The following PDE1C variants were observed in gnomAD, a reference collection of about 807,000 sequenced individuals.
PDE1C encodes dual specificity calcium/calmodulin-dependent 3',5'-cyclic nucleotide phosphodiesterase 1C.
A neutral mutation model predicts 93.1 loss-of-function variants in PDE1C; 62 were observed. The ratio of observed to expected loss-of-function variants is 0.67; its 90% CI spans 0.54 to 0.82. PDE1C has a LOEUF of 0.82. PDE1C is among the 40% of genes least tolerant of loss of function. PDE1C has a pLI of 0.00. For missense variants in PDE1C, 742 were observed against 884.6 expected (o/e 0.84, Z 2.04); for synonymous variants, 325 against 310.1 (o/e 1.05, Z -0.50).
chr7:32,283,021 A>G (rs1188049052), intron 1 of PDE1C, among the ~76,000 whole-genome samples: 1 of 152,218 alleles, frequency 6.6e-6, no homozygotes, highest in Non-Finnish European at 1.5e-5. Flanking sequence ...TTTAGAATGT[A>G]CATTTCAAAT....
chr7:31,712,096 C>G, the PDE1C span, among the ~76,000 whole-genome samples: 1 of 152,238 alleles, frequency 6.6e-6, no homozygotes, highest in African/African-American at 2.4e-5. Flanking sequence ...CCATGCTAAT[C>G]TTTTTCTCCA....
chr7:31,641,133 T>C, the PDE1C span, among the ~76,000 whole-genome samples: 2 of 152,142 alleles, frequency 1.3e-5, no homozygotes, highest in African/African-American at 4.8e-5. Context: ...ATGATGCTGC[T>C]CTTGTGAGTG....
In PDE1C at chr7:32,205,834, C is replaced by T. The variant is rs554201429; in HGVS notation, c.136+3655G>A. On this transcript the variant is annotated intron_variant, in intron 2 of 18. Coordinates refer to the PDE1C transcript ENST00000396193. ...CTGTAACAGTCATTGCCAAGGTCTG[C>T]AGCTTCACCCCTGGAGTCATTAAGA... 5.5e-4 allele frequency among the ~76,000 whole-genome samples: 84 copies of T among 152,252 alleles called. 3 individuals are homozygous for T. The South Asian group carries it at 9.6e-3, about 17-fold the overall frequency.
intron 2 of PDE1C, among the ~76,000 whole-genome samples, chr7:32,178,652 TCTC>T (rs1004385105): frequency 3.3e-5 from 5 of 152,090 alleles, no homozygotes; most frequent in African/African-American, 1.2e-4. Context: ...CTCATCAGCT[TCTC>T]CTCACTCCCC....
At chr7:32,306,805 A>G (rs535625637) in intron 1 of PDE1C, among the ~76,000 whole-genome samples, 3 of 152,290 alleles carry the variant, frequency 2.0e-5, no homozygotes, top group East Asian at 3.9e-4. Context: ...GAAGCATAAA[A>G]CACATACAAG....
chr7:32,107,298 G>C (rs532367088), intron 3 of PDE1C, among the ~76,000 whole-genome samples: 1 of 147,768 alleles, frequency 6.8e-6, no homozygotes, highest in South Asian at 2.2e-4. Context: ...GGGAGGGAGG[G>C]AGGAAAGGAA....
chr7:31,676,959 C>A, the PDE1C span, among the ~76,000 whole-genome samples: 1 of 152,192 alleles, frequency 6.6e-6, no homozygotes, highest in East Asian at 1.9e-4. Context: ...CATCCAGTAA[C>A]CACACTCTGC....
the PDE1C span, among the ~76,000 whole-genome samples, chr7:31,745,195 GAGA>G: frequency 7.0e-3 from 1,072 of 152,266 alleles, 9 homozygotes; most frequent in African/African-American, 0.024. Context: ...GCTCTGTGTC[GAGA>G]AGGTTTCTGA....
At chr7:31,705,773 T>A in the PDE1C span, among the ~76,000 whole-genome samples, 6 of 151,944 alleles carry the variant, frequency 3.9e-5, no homozygotes, top group African/African-American at 1.5e-4. Context: ...AAGGAGGCAG[T>A]GCGAGGCAGT....
intron 1 of PDE1C, among the ~76,000 whole-genome samples, chr7:32,214,137 G>A (rs1806251758): frequency 6.6e-6 from 1 of 151,670 alleles, no homozygotes; most frequent in Non-Finnish European, 1.5e-5. Flanking sequence ...TACATACACA[G>A]GTATAAATGT....
intron 1 of PDE1C, among the ~76,000 whole-genome samples, chr7:32,348,901 C>A (rs1450354147): frequency 6.6e-6 from 1 of 151,828 alleles, no homozygotes; most frequent in African/African-American, 2.4e-5. Context: ...AATAAGCAAC[C>A]AAGAACTGGT....
chr7:31,680,959 A>C, the PDE1C span, among the ~76,000 whole-genome samples: 1 of 152,194 alleles, frequency 6.6e-6, no homozygotes, highest in Non-Finnish European at 1.5e-5. Flanking sequence ...TGAGTGGTAC[A>C]TCCTCAGAGA....
the PDE1C span, among the ~76,000 whole-genome samples, chr7:31,654,801 C>T: frequency 6.6e-6 from 1 of 152,146 alleles, no homozygotes; most frequent in Non-Finnish European, 1.5e-5. Flanking sequence ...AAGGAGAGGT[C>T]ACTTCTTAGC....
intron 2 of PDE1C, among the ~76,000 whole-genome samples, chr7:31,942,449 T>C (rs1263708949): frequency 6.6e-6 from 1 of 152,096 alleles, no homozygotes; most frequent in African/African-American, 2.4e-5. Flanking sequence ...CCTGGCAGGA[T>C]GTTGTTGAAG....
chr7:32,320,928 G>A (rs1783279205), intron 1 of PDE1C, among the ~76,000 whole-genome samples: 1 of 152,160 alleles, frequency 6.6e-6, no homozygotes, highest in Non-Finnish European at 1.5e-5. Flanking sequence ...GAGGAGTAAA[G>A]TGAGACTCAA....
the PDE1C span, among the ~76,000 whole-genome samples, chr7:31,741,055 C>T: frequency 1.6e-5 from 1 of 60,676 alleles, no homozygotes; most frequent in Non-Finnish European, 4.0e-5. Context: ...GACAAAGACC[C>T]TGTCTCAAAA....
chr7:32,092,308 C>T (rs1381034266), intron 3 of PDE1C, among the ~76,000 whole-genome samples: 1 of 152,082 alleles, frequency 6.6e-6, no homozygotes, highest in Admixed American at 6.6e-5. Context: ...CCCTTCATGT[C>T]GGAGGCTGCA....
At chr7:32,239,454 A>G (rs1244526566) in intron 1 of PDE1C, among the ~76,000 whole-genome samples, 1 of 152,236 alleles carries the variant, frequency 6.6e-6, no homozygotes, top group Non-Finnish European at 1.5e-5. Flanking sequence ...GAATATATTT[A>G]TAACCAACAA....
rs32305 is a variant in PDE1C at position 32,128,720 on chromosome 7, A to G, written c.308+41065T>C. Among the ~76,000 whole-genome samples the G allele has an allele frequency of 2.3e-3, 355 of 151,510 alleles. 2 individuals are homozygous for G. The highest frequency in any genetic ancestry group is 8.4e-3 in the African/African-American group (346 of 41,408). On this transcript the variant is annotated intron_variant, in intron 3 of 18. Coordinates refer to the PDE1C transcript ENST00000396193. ...GTATCACAGCTTTGGGGGACAATTT[A>G]TCAATGGCCTAACATCAATGTACTA... is the stretch of plus-strand genomic sequence containing the variant.
Sources: gnomAD v4.1 joint callset for allele counts (sites outside exome capture counted in the v4.1 genomes callset) on GRCh38, gnomAD v4.1.1 for gene constraint, MANE v1.5 for transcripts, NCBI Gene and HGNC (gene_info 2026-07-23, HGNC 2026-07-21) for gene names.